The following PTPRK variants were observed in gnomAD, a reference collection of about 807,000 sequenced individuals.
The protein encoded by PTPRK is receptor-type tyrosine-protein phosphatase kappa.
PTPRK carries 75 observed loss-of-function variants against 178.0 expected under a neutral mutation model. The ratio of observed to expected loss-of-function variants is 0.42; its 90% CI spans 0.35 to 0.51. The LOEUF (loss-of-function observed/expected upper bound fraction) is 0.51. Among genes scored for constraint, PTPRK ranks in the 20% least tolerant of loss-of-function variants. The pLI, the probability that PTPRK is intolerant of heterozygous loss-of-function variation, is 0.02. For synonymous variants in PTPRK, 637 were observed against 620.6 expected, an observed-to-expected ratio of 1.03 and a Z score of -0.39; for missense variants, 1,441 against 1,797.8, an observed-to-expected ratio of 0.80 and a Z score of 3.59.
intron 7 of PTPRK, among the ~76,000 whole-genome samples, chr6:128,141,397 C>T (rs1795748235): frequency 6.6e-6 from 1 of 151,692 alleles, no homozygotes; most frequent in African/African-American, 2.4e-5. Flanking sequence ...TATATCTTTA[C>T]CTTCATAAAA....
chr6:128,099,528 C>T (rs1788446902), intron 7 of PTPRK, among the ~76,000 whole-genome samples: 1 of 152,038 alleles, frequency 6.6e-6, no homozygotes, highest in Non-Finnish European at 1.5e-5. Flanking sequence ...GTCCTTCTTT[C>T]CTTCTAGAAA....
intron 1 of PTPRK, among the ~76,000 whole-genome samples, chr6:128,416,702 CT>C (rs1486361846): frequency 1.3e-5 from 2 of 150,108 alleles, no homozygotes; most frequent in Non-Finnish European, 3.0e-5. Context: ...TAACAACTGG[CT>C]TTTATTCCAT....
intron 3 of PTPRK, among the ~76,000 whole-genome samples, chr6:128,316,252 G>C (rs1827978917): frequency 6.6e-6 from 1 of 152,128 alleles, no homozygotes; most frequent in Non-Finnish European, 1.5e-5. Context: ...CAAAGAACTG[G>C]TATCTCTTCC....
intron 2 of PTPRK, among the ~76,000 whole-genome samples, chr6:128,393,132 C>A (rs1300593551): frequency 1.4e-5 from 2 of 147,814 alleles, no homozygotes. Flanking sequence ...CACTCTGTTA[C>A]CCAGGCTGCA....
At chr6:128,369,911 GA>G (rs199690605) in intron 2 of PTPRK, among the ~76,000 whole-genome samples, 31 of 149,662 alleles carry the variant, frequency 2.1e-4, no homozygotes, top group African/African-American at 5.1e-4. Context: ...TCTTGTAAGA[GA>G]AAAAAAAACA....
chr6:127,990,939 C>T (rs1776537877), intron 20 of PTPRK, 54 bp from the exon 21 acceptor site: 1 of 1,070,918 alleles, frequency 9.3e-7, no homozygotes, highest in African/African-American at 1.6e-5. Flanking sequence ...ACTAATTAGC[C>T]AAGGTGATTT....
chr6:128,241,411 C>T (rs1268540756), intron 4 of PTPRK: 4 of 464,128 alleles, frequency 8.6e-6, no homozygotes, highest in Admixed American at 7.2e-5. Context: ...TGATTTACCA[C>T]AGCTGTAGGT....
chr6:128,239,153 T>C (rs1449248266), intron 5 of PTPRK, among the ~76,000 whole-genome samples: 6 of 149,364 alleles, frequency 4.0e-5, no homozygotes, highest in Non-Finnish European at 7.4e-5. Flanking sequence ...TTGGTCTCTA[T>C]TGGCATTCTC....
At chr6:128,268,233 T>C (rs987678096) in intron 3 of PTPRK, among the ~76,000 whole-genome samples, 34 of 151,996 alleles carry the variant, frequency 2.2e-4, no homozygotes, top group African/African-American at 8.2e-4. Context: ...TCTTTGCTGC[T>C]TCCCAGAGAA....
intron 6 of PTPRK, among the ~76,000 whole-genome samples, chr6:128,207,368 G>C (rs1454302677): frequency 6.6e-6 from 1 of 152,014 alleles, no homozygotes; most frequent in Non-Finnish European, 1.5e-5. Flanking sequence ...CTTTATTATG[G>C]AGCTACTGTT....
rs1162831618 is a variant in PTPRK, at chr6:127,990,526, ATT to A, written c.3096+241_3096+242del. The stretch of plus-strand genomic sequence containing the variant: ...GTCATGATGTATGATATATTAGTTG[ATT>A]TATTTATTTTTATTGCTGTCTTAAT... On this transcript the variant is annotated intron_variant, in intron 21 of 29. Transcript: ENST00000368226. 3.9e-5 allele frequency among the ~76,000 whole-genome samples: 6 copies of A among 152,076 alleles called. No homozygotes were observed. In the South Asian group the frequency reaches 1.2e-3, roughly 32 times the overall value.
At chr6:128,136,108 C>T (rs1794982155) in intron 7 of PTPRK, among the ~76,000 whole-genome samples, 1 of 152,108 alleles carries the variant, frequency 6.6e-6, no homozygotes, top group Admixed American at 6.5e-5. Context: ...GATGTGAACA[C>T]ACTTAGGAAA....
At chr6:128,238,993 T>C (rs1040516790) in intron 5 of PTPRK, among the ~76,000 whole-genome samples, 2 of 152,148 alleles carry the variant, frequency 1.3e-5, no homozygotes, top group African/African-American at 4.8e-5. Flanking sequence ...ATTATTTCAA[T>C]ATTCATTTAT....
At position 128,041,260 on chromosome 6, in the gene PTPRK, G is replaced by A. The variant is rs142062089; in HGVS notation, c.2194+23498C>T. Among the ~76,000 whole-genome samples the A allele has an allele frequency of 2.6e-4, 40 of 152,134 alleles. 1 individual carries two copies. In the East Asian group the frequency reaches 7.0e-3, roughly 26 times the overall value. On this transcript the variant is annotated intron_variant, in intron 13 of 29. Transcript: ENST00000368226. ...CTTTCCCTCCTATGAATCACACATA[G>A]TGGTCACCATTCATTCAAGAAAGAT...
intron 2 of PTPRK, among the ~76,000 whole-genome samples, chr6:128,384,888 T>C (rs1479367253): frequency 6.6e-6 from 1 of 151,706 alleles, no homozygotes; most frequent in African/African-American, 2.4e-5. Flanking sequence ...GTTACAAAAA[T>C]TATTCCTAAT....
chr6:128,386,833 C>T (rs1227818336), intron 2 of PTPRK, among the ~76,000 whole-genome samples: 1 of 152,036 alleles, frequency 6.6e-6, no homozygotes, highest in East Asian at 1.9e-4. Flanking sequence ...TTTGGGAGGC[C>T]AAGGCAGGCA....
chr6:128,281,652 G>C (rs1489634870), intron 3 of PTPRK, among the ~76,000 whole-genome samples: 2 of 152,002 alleles, frequency 1.3e-5, no homozygotes, highest in Non-Finnish European at 2.9e-5. Flanking sequence ...ACTGTACCTC[G>C]GTGATTAGAG....
intron 1 of PTPRK, among the ~76,000 whole-genome samples, chr6:128,511,659 A>T (rs903940499): frequency 6.6e-6 from 1 of 152,222 alleles, no homozygotes; most frequent in African/African-American, 2.4e-5. Flanking sequence ...TAGTTAGGAG[A>T]GACAAATAAA....
intron 7 of PTPRK, among the ~76,000 whole-genome samples, chr6:128,094,980 CAG>C (rs1301685213): frequency 5.9e-4 from 90 of 152,044 alleles, no homozygotes; most frequent in African/African-American, 2.0e-3. Flanking sequence ...GTGAGCATGA[CAG>C]GGGGCAGGTG....
Sources: gnomAD v4.1 joint callset for allele counts (sites outside exome capture counted in the v4.1 genomes callset) on GRCh38, gnomAD v4.1.1 for gene constraint, MANE v1.5 for transcripts, NCBI Gene and HGNC (gene_info 2026-07-23, HGNC 2026-07-21) for gene names.